Variants in SERPINA9 observed in about 807,000 individuals in gnomAD.
The protein encoded by SERPINA9 is serpin A9.
Under a neutral mutation model 24.5 loss-of-function variants are expected in SERPINA9, and 32 were observed. The ratio of observed to expected loss-of-function variants is 1.30; its 90% confidence interval spans 0.98 to 1.75. The LOEUF is 1.75. Ranked by LOEUF, SERPINA9 falls within the 40% of genes most tolerant of loss-of-function variation. SERPINA9 has a pLI of 0.00. For synonymous variants in SERPINA9, 233 were observed against 197.7 expected (o/e 1.18, Z -1.50); for missense variants, 594 against 497.1 (o/e 1.19, Z -1.85).
chr14:94,469,818 A>G lies in SERPINA9; in HGVS notation c.23T>C (p.Val8Ala). 1 of 1,518,080 alleles carries G rather than the reference A, an allele frequency of 6.6e-7. No individual in the cohort carries two copies. Among genetic ancestry groups the G allele is most frequent in the Non-Finnish European group, 8.8e-7 (1 of 1,134,144 alleles). The allele number at this position is 1,518,080 out of a possible 1,614,324, so 94.0% of individuals were successfully genotyped here. ...AGCACAGAGGCCAACAGCAAAGAGT[A>G]CTCCATAAAGGTAAGATGCCATTTT... MASYLYG[V>A]LFAVGLCAPI... Residue 8 changes from valine (V) to alanine (A), a missense_variant, in exon 2 of 5, where the codon GTA (valine) becomes GCA (alanine). Val to Ala is a moderately conservative substitution (Grantham distance 64). Coordinates refer to ENST00000674397, the MANE Select transcript of SERPINA9 (RefSeq NM_175739.4).
rs561114629 is a variant in SERPINA9, at chr14:94,467,158, C to A, written c.853G>T (p.Ala285Ser). 1 of 1,614,194 alleles carries A rather than the reference C, an allele frequency of 6.2e-7. No homozygotes were observed. The highest frequency in any genetic ancestry group is 1.1e-5 in the South Asian group (1 of 91,082). ...TTTCTCAGTGTTCTGGCTGACAAGGCCTGTTCCAGTTGCCTCATCTTGCCC... is the reference window on the plus strand; with the variant it reads ...TTTCTCAGTGTTCTGGCTGACAAGGACTGTTCCAGTTGCCTCATCTTGCCC... ...SKGKMRQLEQ[A>S]LSARTLRKWS... is the part of the protein sequence containing the mutation. The change falls in exon 3 of 5, where the codon GCC becomes TCC. Residue 285 changes from alanine to serine, a missense_variant. By Grantham distance (99) the Ala-to-Ser change is moderately conservative. Transcript: ENST00000674397.
intron 1 of SERPINA9, chr14:94,475,930 C>T (rs144430877): frequency 9.3e-6 from 6 of 643,532 alleles, no homozygotes; most frequent in African/African-American, 3.6e-5. Flanking sequence ...TTACCTCCAA[C>T]TCACTCACTG....
At chr14:94,471,969 T>C (rs994488884) in intron 1 of SERPINA9, among the ~76,000 whole-genome samples, 1 of 152,148 alleles carries the variant, frequency 6.6e-6, no homozygotes, top group African/African-American at 2.4e-5. Flanking sequence ...CCTCCTCTGG[T>C]CATGCTTCCT....
chr14:94,472,353 A>G (rs1466233277), intron 1 of SERPINA9, among the ~76,000 whole-genome samples: 2 of 151,034 alleles, frequency 1.3e-5, no homozygotes, highest in Admixed American at 1.3e-4. Flanking sequence ...ACTCTGGAAG[A>G]CTCTACTTAG....
At chr14:94,473,634 T>C (rs1899435337) in intron 1 of SERPINA9, among the ~76,000 whole-genome samples, 1 of 152,016 alleles carries the variant, frequency 6.6e-6, no homozygotes, top group Non-Finnish European at 1.5e-5. Context: ...ATGAGCTCTG[T>C]GACAGACTGG....
chr14:94,469,967 C>T (rs533619309), intron 1 of SERPINA9, 110 bp from the exon 2 acceptor site: 2 of 867,874 alleles, frequency 2.3e-6, no homozygotes, highest in East Asian at 2.6e-5. Context: ...ACAGATAGGC[C>T]AGTTAGCAGA....
chr14:94,475,707 T>C (rs1899586496), intron 1 of SERPINA9, among the ~76,000 whole-genome samples: 1 of 152,258 alleles, frequency 6.6e-6, no homozygotes, highest in African/African-American at 2.4e-5. Context: ...CACCTCTCTT[T>C]TCTGCACTTA....
intron 1 of SERPINA9, 146 bp downstream of exon 1, chr14:94,475,990 A>G (rs1899625182): frequency 1.6e-6 from 2 of 1,241,650 alleles, no homozygotes; most frequent in East Asian, 2.3e-5. Context: ...CCCAGATGCT[A>G]CTAAAAGCCA....
intron 2 of SERPINA9, among the ~76,000 whole-genome samples, chr14:94,468,092 C>T (rs1566792367): frequency 1.3e-5 from 2 of 150,664 alleles, no homozygotes; most frequent in Non-Finnish European, 3.0e-5. Flanking sequence ...GGATGAATGA[C>T]AGATGGATAA....
rs779100685 is a variant in SERPINA9, at chr14:94,463,078, C to T, written c.*15G>A. 4.4e-6 allele frequency: 7 copies of T among 1,597,656 alleles called. No individual in the cohort carries two copies. The African/African-American group carries it at 5.4e-5, about 12-fold the overall frequency. On this transcript the variant is annotated 3_prime_UTR_variant, in exon 5 of 5. Coordinates refer to ENST00000674397, the MANE Select transcript of SERPINA9 (RefSeq NM_175739.4). ...GCATTAGCAATGTGCCATCAGTTAA[C>T]AGGCCATTTCCCACCTAGGATTTAG...
intron 4 of SERPINA9, among the ~76,000 whole-genome samples, chr14:94,463,781 C>A (rs1898854773): frequency 6.6e-6 from 1 of 152,130 alleles, no homozygotes; most frequent in Admixed American, 6.5e-5. Context: ...AGATTCTTAA[C>A]CTGGAGTTCC....
At chr14:94,475,847 G>A (rs534384580) in intron 1 of SERPINA9, 4 of 486,460 alleles carry the variant, frequency 8.2e-6, no homozygotes, top group East Asian at 3.2e-5. Context: ...GCTTCTAGCA[G>A]CTGCCCTATT....
chr14:94,474,355 C>T (rs1221383632), intron 1 of SERPINA9, among the ~76,000 whole-genome samples: 1 of 152,192 alleles, frequency 6.6e-6, no homozygotes, highest in Non-Finnish European at 1.5e-5. Context: ...GGAGACCCAC[C>T]TGAAGTCGGG....
chr14:94,466,044 C>T (rs1441086916), intron 3 of SERPINA9, among the ~76,000 whole-genome samples: 1 of 152,144 alleles, frequency 6.6e-6, no homozygotes, highest in African/African-American at 2.4e-5. Flanking sequence ...CTGCCACTGT[C>T]CTCTTTCCCT....
intron 1 of SERPINA9, among the ~76,000 whole-genome samples, chr14:94,471,496 T>G (rs74074788): frequency 0.027 from 4,096 of 152,296 alleles, 205 homozygotes; most frequent in African/African-American, 0.092. Flanking sequence ...TAATTTAACT[T>G]AGATGGAACT....
intron 1 of SERPINA9, among the ~76,000 whole-genome samples, chr14:94,474,271 A>G (rs1352964913): frequency 1.3e-5 from 2 of 152,184 alleles, no homozygotes; most frequent in Non-Finnish European, 2.9e-5. Context: ...CCGCATTCCC[A>G]TCAGCAGAGG....
Position 94,469,392 on chromosome 14 carries a change from C to T in SERPINA9, c.449G>A (p.Gly150Asp). 6.2e-7 allele frequency: 1 copy of T among 1,614,086 alleles called. No homozygotes were observed. The highest frequency in any genetic ancestry group is 8.5e-7 in the Non-Finnish European group (1 of 1,180,008). The part of the protein sequence containing the change: ...KELQLQANFL[G>D]NVKRLYEAEV... Reference sequence around the variant, plus strand: ...TGCTTCATACAGCCTCTTGACATTGCCCAAGAAATTTGCCTGCAGCTGCAG... The same window carrying T: ...TGCTTCATACAGCCTCTTGACATTGTCCAAGAAATTTGCCTGCAGCTGCAG... The change falls in exon 2 of 5, where the codon GGC becomes GAC. Residue 150 changes from glycine to aspartate, a missense_variant. Transcript: ENST00000674397.
In SERPINA9 at chr14:94,476,156, C is replaced by T; in HGVS notation, c.-38G>A. On this transcript the variant is annotated 5_prime_UTR_variant, in exon 1 of 5. Coordinates refer to ENST00000674397, the MANE Select transcript of SERPINA9 (RefSeq NM_175739.4). ...CCCACCTTTGCAGGTTCCTCTTCTC[C>T]TGCCCTGTCCTTGCATGGTTGGTGA... 6 of 1,614,176 alleles carry T rather than the reference C, an allele frequency of 3.7e-6. No individual in the cohort carries two copies. The highest frequency in any genetic ancestry group is 5.1e-6 in the Non-Finnish European group (6 of 1,180,036).
At chr14:94,467,414 T>A (rs780668634) in intron 2 of SERPINA9, 32 bp from the exon 3 acceptor site, 1 of 1,561,000 alleles carries the variant, frequency 6.4e-7, no homozygotes, top group Non-Finnish European at 8.7e-7. Context: ...AGTCTTTATG[T>A]CAAAGTACAA....
Sources: gnomAD v4.1 joint callset for allele counts (sites outside exome capture counted in the v4.1 genomes callset) on GRCh38, gnomAD v4.1.1 for gene constraint, MANE v1.5 for transcripts, NCBI Gene and HGNC (gene_info 2026-07-23, HGNC 2026-07-21) for gene names.